Variants in STK33 observed in about 807,000 individuals in gnomAD.
STK33 encodes serine/threonine kinase 33.
Under a neutral mutation model 58.0 loss-of-function variants are expected in STK33, and 52 were observed. That is an observed-to-expected ratio of 0.90 (90% CI 0.72 to 1.13). STK33 has a LOEUF of 1.13. Among genes scored for constraint, STK33 ranks in the 50% most tolerant of loss-of-function variants. STK33 has a pLI of 0.00. For missense variants in STK33, 630 were observed against 604.2 expected (o/e 1.04, Z -0.45); for synonymous variants, 215 against 200.1 (o/e 1.07, Z -0.63).
the STK33 span, among the ~76,000 whole-genome samples, chr11:8,384,964 A>G: frequency 3.9e-5 from 6 of 152,282 alleles, no homozygotes; most frequent in East Asian, 1.2e-3. Context: ...TAGGCCCTGT[A>G]GGGCAGGACC....
chr11:8,388,491 A>G (rs1254936352), downstream of STK33, among the ~76,000 whole-genome samples: 1 of 152,262 alleles, frequency 6.6e-6, no homozygotes, highest in African/African-American at 2.4e-5. Flanking sequence ...CAGCTCACTC[A>G]GAAAAATGCA....
intron 8 of STK33, among the ~76,000 whole-genome samples, chr11:8,459,617 C>T (rs529055931): frequency 7.2e-4 from 109 of 152,186 alleles, no homozygotes; most frequent in African/African-American, 2.5e-3. Flanking sequence ...GCATTCCCCA[C>T]GATTATTCTA....
intron 1 of STK33, among the ~76,000 whole-genome samples, chr11:8,589,947 C>A: frequency 6.6e-6 from 1 of 152,160 alleles, no homozygotes; most frequent in Non-Finnish European, 1.5e-5. Flanking sequence ...GGAAGCTGAG[C>A]TCCTTAGAGC....
At chr11:8,549,435 G>C (rs1956158976) in intron 1 of STK33, among the ~76,000 whole-genome samples, 2 of 151,172 alleles carry the variant, frequency 1.3e-5, no homozygotes, top group South Asian at 4.2e-4. Context: ...GTAGTTTTCT[G>C]TTTTTGTTTT....
intron 6 of STK33, chr11:8,467,750 T>C (rs1948358444): frequency 6.6e-6 from 1 of 152,182 alleles, no homozygotes; most frequent in African/African-American, 2.4e-5. Context: ...ATCGAGACCA[T>C]CCTGGCCAAC....
intron 6 of STK33, among the ~76,000 whole-genome samples, chr11:8,472,655 TA>T (rs769228963): frequency 2.0e-4 from 30 of 152,362 alleles, no homozygotes; most frequent in Non-Finnish European, 3.4e-4. Context: ...TCTTTAATGT[TA>T]AAAACACACA....
chr11:8,361,938 G>A, the STK33 span, among the ~76,000 whole-genome samples: 19 of 152,198 alleles, frequency 1.2e-4, no homozygotes, highest in Non-Finnish European at 1.3e-4. The surrounding 1 kb of genome is among the most constrained non-coding windows in gnomAD (Gnocchi z 4.8). Flanking sequence ...TGGCCACTCT[G>A]CTTCTTTCTC....
chr11:8,536,086 G>C (rs1018924623), intron 1 of STK33, among the ~76,000 whole-genome samples: 6 of 152,190 alleles, frequency 3.9e-5, no homozygotes, highest in African/African-American at 1.4e-4. Context: ...GTAGAGAAGA[G>C]AGACTGGAAA....
At chr11:8,469,636 T>A (rs760127388) in intron 6 of STK33, among the ~76,000 whole-genome samples, 23 of 152,234 alleles carry the variant, frequency 1.5e-4, no homozygotes, top group African/African-American at 5.3e-4. Context: ...TTCAACTTAA[T>A]CTGCCCAGAT....
intron 9 of STK33, among the ~76,000 whole-genome samples, chr11:8,455,987 T>C (rs1190443869): frequency 6.6e-6 from 1 of 152,170 alleles, no homozygotes; most frequent in Non-Finnish European, 1.5e-5. Flanking sequence ...TTTACATAAA[T>C]ACCACACAGC....
chr11:8,402,688 C>G (rs1481603003), intron 15 of STK33, among the ~76,000 whole-genome samples: 1 of 152,168 alleles, frequency 6.6e-6, no homozygotes, highest in Non-Finnish European at 1.5e-5. Flanking sequence ...TAACAGGACA[C>G]GGATGCTGAA....
chr11:8,461,822 C>T lies in STK33; in HGVS notation c.541G>A (p.Val181Ile). ...AGGTTTACCTTTGGCGTTTCAAATA[C>T]TTGTTCCAGATGTATGATGTGTTCA... Reference protein sequence around the residue: ...KHEHIIHLEQVFETPKKMYLV... With the variant: ...KHEHIIHLEQIFETPKKMYLV... The change falls in exon 8 of 16, where the codon GTA (valine) becomes ATA (isoleucine). Residue 181 changes from valine (V) to isoleucine (I), a missense_variant. Coordinates refer to ENST00000687296, the MANE Select transcript of STK33 (RefSeq NM_001352389.2). 3 of 1,590,756 alleles carry T rather than the reference C, an allele frequency of 1.9e-6. No homozygotes were observed. Among genetic ancestry groups the T allele is most frequent in the Middle Eastern group, 1.7e-4 (1 of 5,998 alleles).
At chr11:8,373,691 C>T in the STK33 span, among the ~76,000 whole-genome samples, 2 of 152,132 alleles carry the variant, frequency 1.3e-5, no homozygotes, top group African/African-American at 4.8e-5. Flanking sequence ...ATAAGCAGAC[C>T]CTCTTCACAG....
intron 1 of STK33, among the ~76,000 whole-genome samples, chr11:8,587,499 C>T (rs1365248275): frequency 2.0e-5 from 3 of 151,880 alleles, no homozygotes; most frequent in East Asian, 3.9e-4. Flanking sequence ...GCACACCTCC[C>T]TATCATTCCA....
chr11:8,563,536 C>T (rs1957251050), intron 1 of STK33, among the ~76,000 whole-genome samples: 1 of 152,106 alleles, frequency 6.6e-6, no homozygotes, highest in Non-Finnish European at 1.5e-5. Flanking sequence ...TAATCAGTCC[C>T]TTTGGGCTGT....
intron 2 of STK33, among the ~76,000 whole-genome samples, chr11:8,477,736 C>G (rs1214832687): frequency 2.0e-5 from 3 of 152,114 alleles, no homozygotes; most frequent in Non-Finnish European, 4.4e-5. Flanking sequence ...TAATTTTCAT[C>G]AATTTTTCAA....
At chr11:8,585,847 G>A (rs1208445590) in intron 1 of STK33, among the ~76,000 whole-genome samples, 2 of 152,044 alleles carry the variant, frequency 1.3e-5, no homozygotes, top group South Asian at 2.1e-4. Flanking sequence ...TTGAGGTCAG[G>A]AGTTCGAGAC....
At chr11:8,473,373 C>T (rs981235420) in intron 5 of STK33, 97 bp from the exon 6 acceptor site, 8 of 730,214 alleles carry the variant, frequency 1.1e-5, no homozygotes, top group Admixed American at 1.0e-4. Context: ...AACTCTTTAA[C>T]GTGTGCCATG....
At chr11:8,433,793 C>T (rs1943700260) in intron 14 of STK33, 1 of 152,096 alleles carries the variant, frequency 6.6e-6, no homozygotes, top group African/African-American at 2.4e-5. Flanking sequence ...TAAAATATAT[C>T]TCAGGTTTTT....
Sources: allele counts gnomAD v4.1 joint callset (sites outside exome capture counted in the v4.1 genomes callset), GRCh38; gene constraint gnomAD v4.1.1; non-coding constraint Gnocchi (gnomAD v3.1); transcripts MANE v1.5; gene names NCBI Gene and HGNC (gene_info 2026-07-23, HGNC 2026-07-21).